HYDIN: variants seen among roughly 807,000 people sequenced by gnomAD.
HYDIN encodes the protein HYDIN axonemal central pair apparatus protein, also known as axonemal central pair apparatus protein HYDIN.
A neutral mutation model predicts 403.9 loss-of-function variants in HYDIN; 132 were observed. The ratio of observed to expected loss-of-function variants is 0.33; its 90% confidence interval spans 0.28 to 0.38. The LOEUF is 0.38. HYDIN is among the 10% of genes least tolerant of loss of function. The probability of loss-of-function intolerance (pLI) is 1.00; values close to 1 mark genes in which losing one functional copy is unlikely to be tolerated. For synonymous variants in HYDIN, 1,202 were observed against 1,891.7 expected (o/e 0.64, Z 9.46); for missense variants, 2,827 against 5,009.5 (o/e 0.56, Z 13.15).
chr16:70,927,904 C>T (rs1167617938), intron 45 of HYDIN, among the ~76,000 whole-genome samples: 2 of 151,310 alleles, frequency 1.3e-5, no homozygotes, highest in African/African-American at 4.9e-5. Flanking sequence ...AAAGACATTT[C>T]GGACAAGCAA....
At chr16:70,887,010 T>G (rs1183384201) in intron 58 of HYDIN, among the ~76,000 whole-genome samples, 4 of 152,230 alleles carry the variant, frequency 2.6e-5, no homozygotes, top group Non-Finnish European at 5.9e-5. Context: ...TGTAACTCTT[T>G]CTGGAACTCC....
chr16:71,094,643 T>C (rs1266960390), intron 10 of HYDIN, among the ~76,000 whole-genome samples: 2 of 152,410 alleles, frequency 1.3e-5, no homozygotes, highest in Admixed American at 6.5e-5. Context: ...ATTGAGGAAG[T>C]GTCAGCATTT....
chr16:71,174,442 T>A (rs2086585504), intron 5 of HYDIN, among the ~76,000 whole-genome samples: 1 of 152,022 alleles, frequency 6.6e-6, no homozygotes, highest in Non-Finnish European at 1.5e-5. Flanking sequence ...ACCATAAGAG[T>A]GCAACACAGA....
chr16:70,862,326 C>T, intron 68 of HYDIN, 71 bp from the exon 69 acceptor site: 1 of 918,028 alleles, frequency 1.1e-6, no homozygotes, highest in African/African-American at 1.7e-5. Flanking sequence ...AGCCCACTTA[C>T]AGGTCCTTAG....
At chr16:70,948,782 G>A (rs920343046) in intron 41 of HYDIN, among the ~76,000 whole-genome samples, 1 of 151,544 alleles carries the variant, frequency 6.6e-6, no homozygotes. Flanking sequence ...CAGTTAGAAT[G>A]GCAATCATTA....
At chr16:71,009,423 T>C (rs945595495) in intron 23 of HYDIN, among the ~76,000 whole-genome samples, 29 of 151,200 alleles carry the variant, frequency 1.9e-4, no homozygotes, top group Admixed American at 1.7e-3. Flanking sequence ...GGATTACCGT[T>C]GCTTACAACC....
intron 44 of HYDIN, among the ~76,000 whole-genome samples, chr16:70,937,428 A>G (rs12447630): frequency 6.6e-6 from 1 of 151,382 alleles, no homozygotes; most frequent in East Asian, 1.9e-4. Context: ...CAGGCAGATC[A>G]CTTGATCCCA....
intron 5 of HYDIN, among the ~76,000 whole-genome samples, chr16:71,174,384 G>A (rs751513730): frequency 5.3e-5 from 8 of 152,094 alleles, no homozygotes; most frequent in Non-Finnish European, 2.9e-5. Context: ...GGAGAAGCAA[G>A]GACTCCAAGC....
chr16:70,898,655 T>G (rs1355790308), intron 53 of HYDIN, among the ~76,000 whole-genome samples: 2 of 152,150 alleles, frequency 1.3e-5, no homozygotes, highest in Non-Finnish European at 2.9e-5. Context: ...CAGAACAGGC[T>G]GCTTTAAGCG....
At chr16:70,931,149 T>G (rs1477765062) in intron 45 of HYDIN, among the ~76,000 whole-genome samples, 4 of 151,686 alleles carry the variant, frequency 2.6e-5, no homozygotes, top group African/African-American at 9.7e-5. Flanking sequence ...TTTTCATACA[T>G]GTGAGCAAAT....
chr16:70,808,108 G>A (rs1279193274), intron 85 of HYDIN, 46 bp from the exon 86 acceptor site: 4 of 1,552,006 alleles, frequency 2.6e-6, no homozygotes, highest in African/African-American at 1.4e-5. Context: ...ATCCTGAAGA[G>A]CACACCAGGA....
intron 22 of HYDIN, among the ~76,000 whole-genome samples, chr16:71,019,641 CATT>C (rs1360973760): frequency 1.3e-5 from 2 of 152,090 alleles, no homozygotes; most frequent in African/African-American, 4.8e-5. Context: ...AGGAAAATGA[CATT>C]ATTGTTTTGT....
At chr16:71,079,824 C>T in intron 13 of HYDIN, 61 bp downstream of exon 13, 1 of 714,172 alleles carries the variant, frequency 1.4e-6, no homozygotes, top group South Asian at 1.6e-5. Flanking sequence ...AAACCTTCCT[C>T]CTTCCACGTA....
At chr16:71,177,805 T>A (rs2144645959) in intron 4 of HYDIN, among the ~76,000 whole-genome samples, 1 of 152,364 alleles carries the variant, frequency 6.6e-6, no homozygotes, top group South Asian at 2.1e-4. Flanking sequence ...CATGCTGAAC[T>A]TCTGCATTAC....
chr16:71,230,101 G>A (rs973529564), intron 1 of HYDIN, among the ~76,000 whole-genome samples: 1 of 152,192 alleles, frequency 6.6e-6, no homozygotes, highest in African/African-American at 2.4e-5. Flanking sequence ...CCAGCCAAGT[G>A]GAACTGTGAG....
chr16:70,916,284 C>T (rs561872610), intron 47 of HYDIN, among the ~76,000 whole-genome samples: 10 of 152,278 alleles, frequency 6.6e-5, no homozygotes, highest in Non-Finnish European at 1.3e-4. Context: ...CAGGAATGGC[C>T]TGCTTGGGGA....
In HYDIN at chr16:71,058,929, CTAAG is replaced by C. The variant is rs199703165; in HGVS notation, c.2529+1571_2529+1574del. Among the ~76,000 whole-genome samples, 488 of 152,256 alleles carry C rather than the reference CTAAG, an allele frequency of 3.2e-3. 3 individuals are homozygous for C. The highest frequency in any genetic ancestry group is 9.2e-3 in the African/African-American group (383 of 41,564). On this transcript the variant is annotated intron_variant, in intron 18 of 85. Coordinates refer to ENST00000393567, the MANE Select transcript of HYDIN (RefSeq NM_001270974.2). ...TATGATGATTACCTGCACTTAATAA[CTAAG>C]TATGTTTTTGCTTCCTTATGATTTT...
intron 85 of HYDIN, among the ~76,000 whole-genome samples, chr16:70,809,113 G>A (rs142914752): frequency 1.3e-4 from 20 of 152,210 alleles, no homozygotes; most frequent in Admixed American, 3.9e-4. Flanking sequence ...ATGAGGTCTC[G>A]CTATGTTGCC....
chr16:71,033,216 C>T (rs1431290918), intron 18 of HYDIN, among the ~76,000 whole-genome samples: 3 of 152,224 alleles, frequency 2.0e-5, no homozygotes, highest in African/African-American at 7.2e-5. Context: ...AGTGAAACTA[C>T]TTCAGGGGAA....
Sources: allele counts gnomAD v4.1 joint callset (sites outside exome capture counted in the v4.1 genomes callset), GRCh38; gene constraint gnomAD v4.1.1; transcripts MANE v1.5; gene names NCBI Gene and HGNC (gene_info 2026-07-23, HGNC 2026-07-21).